TCF7L1: variants seen among roughly 807,000 people sequenced by gnomAD.
TCF7L1 encodes transcription factor 7-like 1.
In TCF7L1, 18 loss-of-function variants were observed where a neutral mutation model predicts 63.7. That is an observed-to-expected ratio of 0.28 (90% CI 0.20 to 0.42). The LOEUF is 0.42. Ranked by LOEUF, TCF7L1 falls within the 10% of genes least tolerant of loss-of-function variation. The pLI is 1.00. For missense variants in TCF7L1, 654 were observed against 779.3 expected (o/e 0.84, Z 1.91); for synonymous variants, 355 against 340.9 (o/e 1.04, Z -0.46).
intron 3 of TCF7L1, among the ~76,000 whole-genome samples, chr2:85,161,604 G>A (rs1023558298): frequency 2.6e-5 from 4 of 152,214 alleles, no homozygotes; most frequent in Non-Finnish European, 5.9e-5. Flanking sequence ...TTGGTCTTTG[G>A]TCTGGGGAGC....
intron 4 of TCF7L1, among the ~76,000 whole-genome samples, chr2:85,288,672 G>C (rs1022192678): frequency 6.6e-6 from 1 of 152,180 alleles, no homozygotes; most frequent in Non-Finnish European, 1.5e-5. Context: ...AACTGGGCCC[G>C]GGTGCGGGAT....
At chr2:85,219,575 T>C (rs1257666638) in intron 3 of TCF7L1, among the ~76,000 whole-genome samples, 1 of 152,134 alleles carries the variant, frequency 6.6e-6, no homozygotes, top group Non-Finnish European at 1.5e-5. Flanking sequence ...AGTGTAACAC[T>C]CATTAGAAAA....
intron 3 of TCF7L1, among the ~76,000 whole-genome samples, chr2:85,255,246 C>G (rs17713060): frequency 0.051 from 7,797 of 152,206 alleles, 276 homozygotes; most frequent in Non-Finnish European, 0.077. Flanking sequence ...GGTTCAGGAC[C>G]AGGGTGCATG....
rs750873660 is a variant in TCF7L1, at chr2:85,309,246, C to T, written c.1551C>T (p.Leu517=). The T allele has an allele frequency of 1.5e-5, 25 of 1,614,058 alleles. No individual in the cohort carries two copies. The East Asian group carries it at 5.6e-4, about 36-fold the overall frequency. Residue 517 remains leucine (L), a synonymous_variant, in exon 12 of 12, where the codon CTC becomes CTT. Coordinates refer to ENST00000282111, the MANE Select transcript of TCF7L1 (RefSeq NM_031283.3). ...TKPETRAQLA[L]HSAAFLSAKA... ...CAGAAACCCGGGCCCAGCTGGCTCTCCACTCTGCCGCCTTCCTGTCGGCTA... is the reference window on the plus strand; with the variant it reads ...CAGAAACCCGGGCCCAGCTGGCTCTTCACTCTGCCGCCTTCCTGTCGGCTA...
At chr2:85,256,887 G>T (rs1482738256) in intron 3 of TCF7L1, among the ~76,000 whole-genome samples, 1 of 152,070 alleles carries the variant, frequency 6.6e-6, no homozygotes, top group African/African-American at 2.4e-5. Flanking sequence ...GGAAGCTGAG[G>T]CAGGAGAATC....
rs376907096 is a variant in TCF7L1, at chr2:85,279,217, A to C, written c.442-4278A>C. Among the ~76,000 whole-genome samples the C allele has an allele frequency of 4.6e-5, 7 of 152,318 alleles. No homozygotes were observed. The East Asian group carries it at 9.6e-4, about 21-fold the overall frequency. ...CTTCCCCAAGGACATGCTCCCACCC[A>C]TGAGTGATTGCCCTCAGGGTGATCG... is the stretch of plus-strand genomic sequence containing the variant. On this transcript the variant is annotated intron_variant, in intron 3 of 11. Coordinates refer to ENST00000282111, the MANE Select transcript of TCF7L1 (RefSeq NM_031283.3).
At chr2:85,146,722 T>C (rs1318102361) in intron 3 of TCF7L1, among the ~76,000 whole-genome samples, 1 of 152,082 alleles carries the variant, frequency 6.6e-6, no homozygotes. Flanking sequence ...CAGGATGGTC[T>C]TGATGTTCTG....
In TCF7L1 at chr2:85,276,671, C is replaced by T. The variant is rs1029003422; in HGVS notation, c.442-6824C>T. ...AAGGCTTCAGGCAGAGGCTGTTCAA[C>T]CCCTCGTTACAGATGTGGAAACTGG... On this transcript the variant is annotated intron_variant, in intron 3 of 11. Transcript: ENST00000282111. Among the ~76,000 whole-genome samples, 17 of 151,932 alleles carry T rather than the reference C, an allele frequency of 1.1e-4. No individual in the cohort carries two copies. The East Asian group carries it at 2.1e-3, about 19-fold the overall frequency.
At chr2:85,159,717 G>A (rs1203292035) in intron 3 of TCF7L1, among the ~76,000 whole-genome samples, 1 of 152,214 alleles carries the variant, frequency 6.6e-6, no homozygotes, top group Non-Finnish European at 1.5e-5. Flanking sequence ...CTTGCGCCCT[G>A]GGATGCTTAG....
At chr2:85,243,704 T>G (rs577954208) in intron 3 of TCF7L1, among the ~76,000 whole-genome samples, 1 of 152,104 alleles carries the variant, frequency 6.6e-6, no homozygotes, top group East Asian at 1.9e-4. Context: ...GTGGGCAGGA[T>G]TCTGGCTCAG....
intron 3 of TCF7L1, among the ~76,000 whole-genome samples, chr2:85,174,184 G>A (rs949115514): frequency 2.0e-5 from 3 of 151,992 alleles, no homozygotes; most frequent in African/African-American, 2.4e-5. Flanking sequence ...GGCAGCCACC[G>A]GCCTTCTTTT....
Position 85,268,135 on chromosome 2 carries a change from A to G in TCF7L1, c.442-15360A>G, listed in dbSNP as rs140275232. 9.0e-3 allele frequency among the ~76,000 whole-genome samples: 1,375 copies of G among 152,314 alleles called. 16 individuals carry two copies. Among genetic ancestry groups the G allele is most frequent in the African/African-American group, 0.032 (1,314 of 41,576 alleles). On this transcript the variant is annotated intron_variant, in intron 3 of 11. Transcript: ENST00000282111. ...TTTTTTATTTGATCACTTTAGGTAA[A>G]TGGAGTCTTACTCACCTGATAGGGT... is the stretch of plus-strand genomic sequence containing the variant.
chr2:85,148,222 G>C (rs949192061), intron 3 of TCF7L1, among the ~76,000 whole-genome samples: 1 of 152,190 alleles, frequency 6.6e-6, no homozygotes, highest in African/African-American at 2.4e-5. Context: ...AAGGGGCTGG[G>C]ATGGGGAGAG....
intron 4 of TCF7L1, among the ~76,000 whole-genome samples, chr2:85,301,516 G>A (rs1483017453): frequency 6.6e-6 from 1 of 152,186 alleles, no homozygotes; most frequent in Non-Finnish European, 1.5e-5. Flanking sequence ...ATTGTAGAAC[G>A]CACAGGTTTT....
intron 3 of TCF7L1, among the ~76,000 whole-genome samples, chr2:85,140,661 G>A (rs1479186048): frequency 5.3e-5 from 8 of 152,154 alleles, no homozygotes; most frequent in Non-Finnish European, 1.0e-4. Flanking sequence ...TCAGCTGGGC[G>A]TGGTGGCAGG....
chr2:85,271,796 C>T (rs1681157802), intron 3 of TCF7L1, among the ~76,000 whole-genome samples: 1 of 152,118 alleles, frequency 6.6e-6, no homozygotes, highest in Non-Finnish European at 1.5e-5. Context: ...GGTAGGCAGT[C>T]CTGTAAGAAT....
intron 11 of TCF7L1, among the ~76,000 whole-genome samples, chr2:85,308,417 T>C (rs72936604): frequency 0.3 from 19,200 of 63,830 alleles, 3,736 homozygotes; most frequent in Non-Finnish European, 0.34. Context: ...CCCTTTCCCC[T>C]TCCCTCCCTC....
intron 3 of TCF7L1, among the ~76,000 whole-genome samples, chr2:85,214,236 G>A (rs1679639107): frequency 6.6e-6 from 1 of 152,208 alleles, no homozygotes; most frequent in South Asian, 2.1e-4. Flanking sequence ...GGCAAGAGGG[G>A]TAAACACAGC....
rs115534537 is a variant in TCF7L1, at chr2:85,278,257, G to T, written c.442-5238G>T. 5.3e-3 allele frequency among the ~76,000 whole-genome samples: 811 copies of T among 152,302 alleles called. 9 individuals carry two copies. The highest frequency in any genetic ancestry group is 0.019 in the African/African-American group (784 of 41,558). On this transcript the variant is annotated intron_variant, in intron 3 of 11. Transcript: ENST00000282111. The stretch of plus-strand genomic sequence containing the variant: ...CTGGCCAAGTGCTCGCCCCAAGGAG[G>T]GCTCTAAGGAGGGGCCCAAAACATT...
Sources: gnomAD v4.1 joint callset for allele counts (sites outside exome capture counted in the v4.1 genomes callset) on GRCh38, gnomAD v4.1.1 for gene constraint, MANE v1.5 for transcripts, NCBI Gene and HGNC (gene_info 2026-07-23, HGNC 2026-07-21) for gene names.